Variants in TAF3 observed in about 807,000 individuals in gnomAD.
TAF3 encodes transcription initiation factor TFIID subunit 3.
Under a neutral mutation model 80.6 loss-of-function variants are expected in TAF3, and 7 were observed. The ratio of observed to expected loss-of-function variants is 0.09; its 90% CI spans 0.05 to 0.16. The LOEUF (loss-of-function observed/expected upper bound fraction) is 0.16. Ranked by LOEUF, TAF3 falls within the 10% of genes least tolerant of loss-of-function variation. The pLI, the probability that TAF3 is intolerant of heterozygous loss-of-function variation, is 1.00. For synonymous variants in TAF3, 444 were observed against 446.1 expected (o/e 1.00, Z 0.06); for missense variants, 921 against 1,140.2 (o/e 0.81, Z 2.77).
At chr10:7,863,752 T>TATATATATACACAC (rs1564351006) in intron 2 of TAF3, among the ~76,000 whole-genome samples, 6 of 138,892 alleles carry the variant, frequency 4.3e-5, no homozygotes, top group Non-Finnish European at 9.3e-5. Flanking sequence ...TATATACACA[T>TATATATATACACAC]ATATATATAC....
chr10:7,823,433 C>T (rs964944733), intron 1 of TAF3, among the ~76,000 whole-genome samples: 16 of 151,360 alleles, frequency 1.1e-4, no homozygotes, highest in African/African-American at 3.9e-4. Context: ...GAGTTCAAAA[C>T]CAGCCTGAGC....
intron 2 of TAF3, among the ~76,000 whole-genome samples, chr10:7,880,604 A>G (rs1183421544): frequency 2.6e-5 from 4 of 152,186 alleles, no homozygotes; most frequent in African/African-American, 9.7e-5. Context: ...GTTTCCTTTA[A>G]GGGCCATTTC....
At chr10:7,837,518 C>T (rs922454416) in intron 2 of TAF3, among the ~76,000 whole-genome samples, 1 of 152,156 alleles carries the variant, frequency 6.6e-6, no homozygotes, top group Non-Finnish European at 1.5e-5. Flanking sequence ...TGGTGCGTGC[C>T]TGTAATCTCA....
At chr10:7,953,045 T>G (rs979732365) in intron 2 of TAF3, among the ~76,000 whole-genome samples, 1 of 152,156 alleles carries the variant, frequency 6.6e-6, no homozygotes, top group African/African-American at 2.4e-5. Flanking sequence ...GTTTTCCTAT[T>G]ATTTCCTGAC....
chr10:7,819,536 C>T (rs1260486317), intron 1 of TAF3, among the ~76,000 whole-genome samples: 1 of 152,194 alleles, frequency 6.6e-6, no homozygotes, highest in African/African-American at 2.4e-5. Flanking sequence ...GGACCGTGGG[C>T]AGTTGACAAG....
chr10:7,904,191 C>G (rs966904387), intron 2 of TAF3, among the ~76,000 whole-genome samples: 8 of 152,276 alleles, frequency 5.3e-5, no homozygotes, highest in Admixed American at 1.3e-4. Flanking sequence ...GGGACACGCT[C>G]TTCCGAGGCA....
chr10:7,922,087 A>C (rs1837768164), intron 2 of TAF3, among the ~76,000 whole-genome samples: 1 of 152,116 alleles, frequency 6.6e-6, no homozygotes, highest in African/African-American at 2.4e-5. Flanking sequence ...CTGTTTACTT[A>C]ATAAATTCAA....
intron 2 of TAF3, chr10:7,833,834 TC>T: frequency 1.5e-6 from 1 of 679,748 alleles, no homozygotes; most frequent in Non-Finnish European, 2.1e-6. Flanking sequence ...CAGAACTGTC[TC>T]CCTTCCTGGG....
chr10:7,920,785 A>C (rs1837755937), intron 2 of TAF3, among the ~76,000 whole-genome samples: 1 of 152,248 alleles, frequency 6.6e-6, no homozygotes, highest in South Asian at 2.1e-4. Context: ...TATCTTACCA[A>C]ATATTTGAAG....
At chr10:7,828,264 A>T (rs1588514327) in intron 2 of TAF3, among the ~76,000 whole-genome samples, 1 of 152,228 alleles carries the variant, frequency 6.6e-6, no homozygotes, top group African/African-American at 2.4e-5. Flanking sequence ...AGACGAATCA[A>T]TGTAAAGTAG....
chr10:7,842,164 G>T (rs2490305), intron 2 of TAF3, among the ~76,000 whole-genome samples: 4,367 of 84,690 alleles, frequency 0.052, 179 homozygotes, highest in South Asian at 0.079. Flanking sequence ...TTTTTTTTTT[G>T]TTTTTTTTTT....
At chr10:8,008,338 A>G (rs994435864) in intron 4 of TAF3, among the ~76,000 whole-genome samples, 2 of 152,012 alleles carry the variant, frequency 1.3e-5, no homozygotes, top group East Asian at 3.9e-4. Context: ...ACCTCAGGTA[A>G]TCCACCCACC....
intron 2 of TAF3, among the ~76,000 whole-genome samples, chr10:7,849,196 T>G (rs780484138): frequency 1.3e-5 from 2 of 152,152 alleles, no homozygotes; most frequent in Non-Finnish European, 2.9e-5. Context: ...TTCTTATAGA[T>G]GAGGGAAATA....
intron 2 of TAF3, among the ~76,000 whole-genome samples, chr10:7,851,764 C>T (rs1013837060): frequency 1.3e-5 from 2 of 151,958 alleles, no homozygotes; most frequent in Non-Finnish European, 2.9e-5. Flanking sequence ...ATTATCACAC[C>T]CTTAAAATTA....
At chr10:7,996,681 AG>A (rs1831890279) in intron 4 of TAF3, among the ~76,000 whole-genome samples, 1 of 151,178 alleles carries the variant, frequency 6.6e-6, no homozygotes, top group South Asian at 2.1e-4. Context: ...ACGTTGAGGC[AG>A]GGTCTCACTC....
At chr10:7,969,556 T>A (rs1288535465) in intron 3 of TAF3, among the ~76,000 whole-genome samples, 1 of 152,210 alleles carries the variant, frequency 6.6e-6, no homozygotes, top group East Asian at 1.9e-4. Context: ...CCTCTTGTTC[T>A]TTTAAGTGAT....
At chr10:7,865,046 T>C (rs1380592566) in intron 2 of TAF3, among the ~76,000 whole-genome samples, 1 of 151,966 alleles carries the variant, frequency 6.6e-6, no homozygotes, top group Non-Finnish European at 1.5e-5. Context: ...TGCCGGTGGA[T>C]TTGTGGATAG....
intron 2 of TAF3, among the ~76,000 whole-genome samples, chr10:7,828,690 A>G (rs368574100): frequency 1.4e-4 from 20 of 141,714 alleles, no homozygotes; most frequent in South Asian, 9.7e-4. Context: ...TCACTGGTCA[A>G]TGGGGGTCTT....
intron 2 of TAF3, among the ~76,000 whole-genome samples, chr10:7,929,347 A>G (rs1262733670): frequency 1.3e-5 from 2 of 152,062 alleles, no homozygotes; most frequent in Admixed American, 6.6e-5. Flanking sequence ...GATTGTGTGA[A>G]GTAAGATACA....
Sources: gnomAD v4.1 joint callset for allele counts (sites outside exome capture counted in the v4.1 genomes callset) on GRCh38, gnomAD v4.1.1 for gene constraint, MANE v1.5 for transcripts, NCBI Gene and HGNC (gene_info 2026-07-23, HGNC 2026-07-21) for gene names.